Variants in ZNF875 observed in about 807,000 individuals in gnomAD.
The protein encoded by ZNF875 is zinc finger protein 875, also known as HKR1, GLI-Kruppel zinc finger family member.
A neutral mutation model predicts 11.2 loss-of-function variants in ZNF875; 14 were observed. That is an observed-to-expected ratio of 1.26 (90% CI 0.83 to 1.96). The LOEUF is 1.96. ZNF875 is among the 30% of genes most tolerant of loss of function. ZNF875 has a pLI of 0.00. For missense variants in ZNF875, 752 were observed against 760.4 expected (o/e 0.99, Z 0.13); for synonymous variants, 301 against 281.1 (o/e 1.07, Z -0.71).
At chr19:37,313,500 C>T (rs2030049938), upstream of ZNF875, among the ~76,000 whole-genome samples, 1 of 152,130 alleles carries the variant, frequency 6.6e-6, no homozygotes, top group Non-Finnish European at 1.5e-5. Context: ...CACACACATC[C>T]CATTACTCAC....
At chr19:37,336,031 G>C (rs117819582) in intron 2 of ZNF875, among the ~76,000 whole-genome samples, 2,978 of 152,300 alleles carry the variant, frequency 0.02, 46 homozygotes, top group Non-Finnish European at 0.031. Context: ...ATATGGAGCA[G>C]TTTAAATAAA....
At chr19:37,329,469 T>A (rs2033046457) in intron 4 of ZNF875, among the ~76,000 whole-genome samples, 1 of 152,194 alleles carries the variant, frequency 6.6e-6, no homozygotes, top group African/African-American at 2.4e-5. Flanking sequence ...GTATTTGATT[T>A]TTACTTTATC....
chr19:37,346,241 CCT>C (rs2036738024), intron 2 of ZNF875: 1 of 152,198 alleles, frequency 6.6e-6, no homozygotes, highest in Admixed American at 6.5e-5. Flanking sequence ...TCACAGTAAT[CCT>C]AATCCTCACC....
chr19:37,321,900 A>C (rs1415254430), intron 1 of ZNF875, among the ~76,000 whole-genome samples: 3 of 152,102 alleles, frequency 2.0e-5, no homozygotes, highest in African/African-American at 7.2e-5. Flanking sequence ...AAATTAAAGC[A>C]TCCTGATAGC....
intron 2 of ZNF875, among the ~76,000 whole-genome samples, chr19:37,339,601 A>G (rs768253162): frequency 7.8e-6 from 1 of 127,948 alleles, no homozygotes; most frequent in Non-Finnish European, 1.6e-5. Context: ...GTCCCACTGC[A>G]TCAGGCTGGG....
chr19:37,339,296 C>G (rs2035167909), intron 2 of ZNF875, among the ~76,000 whole-genome samples: 1 of 151,936 alleles, frequency 6.6e-6, no homozygotes, highest in African/African-American at 2.4e-5. Context: ...GTAGAAACAG[C>G]CAACACTTAT....
At chr19:37,347,168 A>G in intron 2 of ZNF875, 22 bp from the exon 3 acceptor site, 1 of 1,613,608 alleles carries the variant, frequency 6.2e-7, no homozygotes. Flanking sequence ...CTGGGTGAGC[A>G]GAGGTGTGTT....
chr19:37,358,866 A>G (rs1395663003), intron 4 of ZNF875, among the ~76,000 whole-genome samples: 1 of 151,666 alleles, frequency 6.6e-6, no homozygotes, highest in African/African-American at 2.4e-5. Flanking sequence ...TTTACATGCC[A>G]TAAAATTACT....
intron 2 of ZNF875, among the ~76,000 whole-genome samples, chr19:37,343,385 AC>A (rs909600135): frequency 6.6e-6 from 1 of 151,680 alleles, no homozygotes; most frequent in Non-Finnish European, 1.5e-5. Context: ...AAAAAAAAAA[AC>A]CAAACAAACT....
rs1047049036 is a variant in ZNF875, at chr19:37,334,776, G to A, written c.-63G>A. On this transcript the variant is annotated 5_prime_UTR_variant, in exon 1 of 5. Transcript: ENST00000392153. ...GCTTCAGGATCCGCAGCGTGCACCCGCGTTCCGTGAGTGCCCTATAGGCAG... is the reference window on the plus strand; with the variant it reads ...GCTTCAGGATCCGCAGCGTGCACCCACGTTCCGTGAGTGCCCTATAGGCAG... 6 of 456,392 alleles carry A rather than the reference G, an allele frequency of 1.3e-5. No homozygotes were observed. In the Admixed American group the frequency reaches 1.4e-4, roughly 11 times the overall value. The allele number at this position is 456,392 out of a possible 1,614,324, so 28.3% of individuals were successfully genotyped here.
chr19:37,349,037 G>A (rs79258984), intron 4 of ZNF875, among the ~76,000 whole-genome samples: 3,756 of 152,244 alleles, frequency 0.025, 176 homozygotes, highest in African/African-American at 0.085. Flanking sequence ...TCTGTCCCAT[G>A]CCTCTCCTCT....
intron 4 of ZNF875, among the ~76,000 whole-genome samples, chr19:37,354,092 CTT>C (rs971609323): frequency 6.6e-6 from 1 of 151,546 alleles, no homozygotes; most frequent in African/African-American, 2.4e-5. Flanking sequence ...TCTTTTTTCT[CTT>C]TTTTGAGGGG....
chr19:37,345,881 A>C (rs2036662849), intron 2 of ZNF875, among the ~76,000 whole-genome samples: 3 of 152,236 alleles, frequency 2.0e-5, no homozygotes, highest in Admixed American at 2.0e-4. Flanking sequence ...TTCCATGCCA[A>C]GGACGGTTAT....
intron 4 of ZNF875, chr19:37,359,415 T>C: frequency 4.1e-6 from 1 of 241,026 alleles, no homozygotes; most frequent in South Asian, 3.7e-5. Context: ...TTTTCTTTTT[T>C]TTTTTTTTAG....
At chr19:37,347,458 AT>A in intron 3 of ZNF875, 142 bp downstream of exon 3, 1 of 733,638 alleles carries the variant, frequency 1.4e-6, no homozygotes. Context: ...GTAAATCTGG[AT>A]TTAGTAGAAT....
rs762124057 is a variant in ZNF875, at chr19:37,362,833, ACAT to A, written c.984_986del (p.His328del). ...TTACTTGGAAGTCGAACCTCTTTACACATCAGCGGACACACTCAGGGCTCAAGC... is the reference window on the plus strand; with the variant it reads ...TTACTTGGAAGTCGAACCTCTTTACACAGCGGACACACTCAGGGCTCAAGC... On this transcript the variant is annotated inframe_deletion, in exon 5 of 5. Coordinates refer to ENST00000392153, the MANE Select transcript of ZNF875 (RefSeq NM_001353803.2). The A allele has an allele frequency of 1.2e-6, 2 of 1,614,050 alleles. No homozygotes were observed. Among genetic ancestry groups the A allele is most frequent in the Non-Finnish European group, 1.7e-6 (2 of 1,179,982 alleles).
Position 37,361,667 on chromosome 19 carries a change from T to C in ZNF875, c.257-442T>C, listed in dbSNP as rs568733343. Reference sequence around the variant, plus strand: ...GGCTAGACACAGTGGCTTATGCCTGTAATCCCAGCACTTTGGGAGGCTTAG... The same window carrying C: ...GGCTAGACACAGTGGCTTATGCCTGCAATCCCAGCACTTTGGGAGGCTTAG... On this transcript the variant is annotated intron_variant, in intron 4 of 4. Transcript: ENST00000392153. Among the ~76,000 whole-genome samples the C allele has an allele frequency of 3.9e-5, 6 of 152,246 alleles. No homozygotes were observed. The South Asian group carries it at 1.2e-3, about 32-fold the overall frequency.
chr19:37,331,668 A>G (rs972705039), upstream of ZNF875, among the ~76,000 whole-genome samples: 45 of 148,828 alleles, frequency 3.0e-4, no homozygotes, highest in African/African-American at 1.1e-3. Context: ...TCAAGTACCC[A>G]GGGACACAAA....
At chr19:37,319,871 A>G (rs933487620) in intron 1 of ZNF875, among the ~76,000 whole-genome samples, 9 of 151,716 alleles carry the variant, frequency 5.9e-5, no homozygotes, top group African/African-American at 2.2e-4. Flanking sequence ...ACTCCCTCTA[A>G]CTCAGAGTTT....
Sources: allele counts gnomAD v4.1 joint callset (sites outside exome capture counted in the v4.1 genomes callset), GRCh38; gene constraint gnomAD v4.1.1; transcripts MANE v1.5; gene names NCBI Gene and HGNC (gene_info 2026-07-23, HGNC 2026-07-21).